The following RBCK1 variants were observed in gnomAD, a reference collection of about 807,000 sequenced individuals.
RBCK1 encodes the protein RANBP2-type and C3HC4-type zinc finger containing 1, also known as ranBP-type and C3HC4-type zinc finger-containing protein 1.
A neutral mutation model predicts 71.1 loss-of-function variants in RBCK1; 44 were observed. The ratio of observed to expected loss-of-function variants is 0.62; its 90% CI spans 0.49 to 0.80. The LOEUF is 0.80. Ranked by LOEUF, RBCK1 falls within the 30% of genes least tolerant of loss-of-function variation. The probability of loss-of-function intolerance (pLI) is 0.00; values close to 1 mark genes in which losing one functional copy is unlikely to be tolerated. For synonymous variants in RBCK1, 306 were observed against 279.7 expected, an observed-to-expected ratio of 1.09 and a Z score of -0.94; for missense variants, 569 against 685.0, an observed-to-expected ratio of 0.83 and a Z score of 1.89.
intron 2 of RBCK1, chr20:410,399 C>CA (rs1212137022): frequency 1.3e-6 from 1 of 779,312 alleles, no homozygotes; most frequent in Non-Finnish European, 2.4e-6. Flanking sequence ...ACCATTCTGC[C>CA]ATTCATTCCC....
chr20:422,374 C>T lies in RBCK1; in HGVS notation c.1029+136C>T, dbSNP rs2016490222. ...GTCTCACTATGTTGTCCAAGCTGGT[C>T]TCAAACTCCTGGGCTTAAGCGATCA... On this transcript the variant is annotated intron_variant, in intron 8 of 11. Transcript: ENST00000356286. This position sits in a 1 kb window ranked among gnomAD's most constrained non-coding sequence, Gnocchi z 5.0. The T allele has an allele frequency of 2.8e-6, 2 of 702,138 alleles. No individual in the cohort carries two copies. Among genetic ancestry groups the T allele is most frequent in the Non-Finnish European group, 4.9e-6 (2 of 411,020 alleles). The allele number at this position is 702,138 out of a possible 1,614,324, so 43.5% of individuals were successfully genotyped here.
In RBCK1 at chr20:431,650, T is replaced by G. The variant is rs1486575836; in HGVS notation, c.*1220T>G. ...CCTGTTCTAGCAACTGGAAAGGCAC[T>G]GCCACCTGCCGTTGGATGCCAGGAC... On this transcript the variant is annotated 3_prime_UTR_variant, in exon 12 of 12. Coordinates refer to ENST00000356286, the MANE Select transcript of RBCK1 (RefSeq NM_031229.4). This position sits in a 1 kb window ranked among gnomAD's most constrained non-coding sequence, Gnocchi z 4.8. 6.6e-6 allele frequency among the ~76,000 whole-genome samples: 1 copy of G among 152,202 alleles called. No homozygotes were observed. Among genetic ancestry groups the G allele is most frequent in the African/African-American group, 2.4e-5 (1 of 41,452 alleles).
At chr20:427,518 C>T (rs768386835) in intron 9 of RBCK1, 26 bp downstream of exon 9, 4 of 1,610,200 alleles carry the variant, frequency 2.5e-6, no homozygotes, top group South Asian at 2.2e-5. Flanking sequence ...ACTCCCCCCA[C>T]CTAGTCACTG....
Position 426,816 on chromosome 20 carries a change from CTTTTTTTTT to C in RBCK1, c.1030-477_1030-469del, listed in dbSNP as rs768525416. Among the ~76,000 whole-genome samples the C allele has an allele frequency of 9.1e-3, 872 of 95,460 alleles. 6 individuals carry two copies. Among genetic ancestry groups the C allele is most frequent in the African/African-American group, 0.044 (821 of 18,706 alleles). 62.6% of individuals were successfully genotyped at this position (95,460 alleles called of 152,430 possible). A position where few individuals can be genotyped will look rare whatever the true frequency, so the allele number is the denominator to read the frequency against. Reference sequence around the variant, plus strand: ...TCACTTTCTTTTTACTTTTCTTTTCCTTTTTTTTTTTTTTTTTTTTTTTTTTTTAGCTAG... The same window carrying C: ...TCACTTTCTTTTTACTTTTCTTTTCCTTTTTTTTTTTTTTTTTTTAGCTAG... On this transcript the variant is annotated intron_variant, in intron 8 of 11. Coordinates refer to ENST00000356286, the MANE Select transcript of RBCK1 (RefSeq NM_031229.4).
intron 4 of RBCK1, among the ~76,000 whole-genome samples, chr20:418,568 C>T (rs1019483662): frequency 6.6e-6 from 1 of 152,090 alleles, no homozygotes; most frequent in Non-Finnish European, 1.5e-5. Context: ...CGGGGTTTCA[C>T]CGTGTTAGCC....
Position 430,322 on chromosome 20 carries a change from A to ATTCT in RBCK1, c.1453-27_1453-24dup. 1.9e-6 allele frequency: 3 copies of ATTCT among 1,570,850 alleles called. No individual in the cohort carries two copies. The highest frequency in any genetic ancestry group is 2.6e-6 in the Non-Finnish European group (3 of 1,141,212). ...GGGGCAGTCTCTGCACTGCGCTGAC[A>ATTCT]TTCTCTTCTCTTCCTCCCATCCTCT... On this transcript the variant is annotated intron_variant, in intron 11 of 11. Transcript: ENST00000356286. The surrounding 1 kb of genome is among the most constrained non-coding windows in gnomAD (Gnocchi z 5.6).
intron 4 of RBCK1, among the ~76,000 whole-genome samples, chr20:418,979 GT>G (rs998538280): frequency 6.6e-6 from 1 of 152,196 alleles, no homozygotes; most frequent in Non-Finnish European, 1.5e-5. Context: ...GTCCAGGCCA[GT>G]TTCTTTTTTT....
chr20:420,275 C>T, intron 6 of RBCK1: 1 of 985,152 alleles, frequency 1.0e-6, no homozygotes, highest in Non-Finnish European at 1.2e-6. Flanking sequence ...GGTCCTACGC[C>T]TTAGCCCTAC....
Position 428,592 on chromosome 20 carries a change from G to T in RBCK1, c.1308+3G>T. 6.2e-7 allele frequency: 1 copy of T among 1,608,948 alleles called. No individual in the cohort carries two copies. Among genetic ancestry groups the T allele is most frequent in the Non-Finnish European group, 8.5e-7 (1 of 1,177,896 alleles). On this transcript the variant is annotated splice_donor_region_variant and intron_variant, in intron 10 of 11. Transcript: ENST00000356286. The surrounding 1 kb of genome is among the most constrained non-coding windows in gnomAD (Gnocchi z 5.7). ...GGCAGACGACAGAGATGCTGAAGGT[G>T]AGGCTGGGACAGGGCCGAGGCCTAG...
chr20:410,782 C>G (rs1047138205), intron 2 of RBCK1: 1 of 465,718 alleles, frequency 2.1e-6, no homozygotes, highest in African/African-American at 1.9e-5. Flanking sequence ...ACTGCTTTTT[C>G]ATTACTGGAT....
intron 2 of RBCK1, chr20:410,772 A>T (rs1014353900): frequency 6.4e-6 from 3 of 467,654 alleles, no homozygotes; most frequent in Non-Finnish European, 1.2e-5. Flanking sequence ...TTATTTTTTG[A>T]CTGCTTTTTC....
In RBCK1 at chr20:417,510, C is replaced by G. The variant is rs759632355; in HGVS notation, c.168-16C>G. 2 of 1,611,740 alleles carry G rather than the reference C, an allele frequency of 1.2e-6. No individual in the cohort carries two copies. Among genetic ancestry groups the G allele is most frequent in the South Asian group, 1.1e-5 (1 of 91,012 alleles). ...CCTGGCCAGAGCCCATGCTGAGCCC[C>G]TGCTGTTCTCTGCAGGCTGTGGGTG... On this transcript the variant is annotated splice_polypyrimidine_tract_variant and intron_variant, in intron 2 of 11. Transcript: ENST00000356286. The surrounding 1 kb of genome is among the most constrained non-coding windows in gnomAD (Gnocchi z 4.7).
At chr20:421,893 C>G (rs1042027447) in intron 7 of RBCK1, 1 of 521,228 alleles carries the variant, frequency 1.9e-6, no homozygotes, top group Non-Finnish European at 3.4e-6. Flanking sequence ...CCTGGAGTCA[C>G]CCAGGTGGGG....
rs1184177108 is a variant in RBCK1 at position 420,825 on chromosome 20, C to T, written c.757-46C>T. 14 of 1,518,952 alleles carry T rather than the reference C, an allele frequency of 9.2e-6. No homozygotes were observed. The Admixed American group carries it at 1.8e-4, about 20-fold the overall frequency. 94.1% of individuals were successfully genotyped at this position (1,518,952 alleles called of 1,614,324 possible). On this transcript the variant is annotated intron_variant, in intron 6 of 11. Coordinates refer to ENST00000356286, the MANE Select transcript of RBCK1 (RefSeq NM_031229.4). ...CCTTCCCCCTTCGGGGTCTGACCCG[C>T]CCCCGAGGCCCTGACCCGCCCCGTG...
At chr20:412,055 C>T (rs1261869913) in intron 2 of RBCK1, among the ~76,000 whole-genome samples, 1 of 152,156 alleles carries the variant, frequency 6.6e-6, no homozygotes, top group African/African-American at 2.4e-5. Flanking sequence ...GAAGAAATGC[C>T]AGACAGTTTT....
At chr20:423,599 T>C (rs1429299217) in intron 8 of RBCK1, among the ~76,000 whole-genome samples, 2 of 152,204 alleles carry the variant, frequency 1.3e-5, no homozygotes, top group African/African-American at 4.8e-5. Flanking sequence ...ATAAATAATC[T>C]ACAGATGATT....
chr20:418,620 G>C (rs570954124), intron 4 of RBCK1, among the ~76,000 whole-genome samples: 1 of 152,026 alleles, frequency 6.6e-6, no homozygotes, highest in African/African-American at 2.4e-5. Flanking sequence ...CGCCCGCCTC[G>C]GCCTCCCAAA....
At chr20:414,072 A>G (rs2015857263) in intron 2 of RBCK1, among the ~76,000 whole-genome samples, 1 of 150,096 alleles carries the variant, frequency 6.7e-6, no homozygotes, top group African/African-American at 2.4e-5. Flanking sequence ...ATAGATCATG[A>G]TTATCGATGT....
intron 6 of RBCK1, 118 bp downstream of exon 6, chr20:419,849 A>T: frequency 6.9e-7 from 1 of 1,444,564 alleles, no homozygotes; most frequent in Non-Finnish European, 9.1e-7. Flanking sequence ...CCTCCCAACC[A>T]TGCTGCTGGC....
Sources: gnomAD v4.1 joint callset for allele counts (sites outside exome capture counted in the v4.1 genomes callset) on GRCh38, gnomAD v4.1.1 for gene constraint, Gnocchi (gnomAD v3.1) non-coding constraint, MANE v1.5 for transcripts, NCBI Gene and HGNC (gene_info 2026-07-23, HGNC 2026-07-21) for gene names.